The following CNIH3 variants were observed in gnomAD, a reference collection of about 807,000 sequenced individuals.
CNIH3 encodes cornichon family AMPA receptor auxiliary protein 3, also known as protein cornichon homolog 3.
Under a neutral mutation model 24.1 loss-of-function variants are expected in CNIH3, and 14 were observed. The observed-to-expected ratio is 0.58, with a 90% CI of 0.38 to 0.91. The LOEUF (loss-of-function observed/expected upper bound fraction) is 0.91. CNIH3 is among the 40% of genes least tolerant of loss of function. CNIH3 has a pLI of 0.00. For synonymous variants in CNIH3, 68 were observed against 73.8 expected, an observed-to-expected ratio of 0.92 and a Z score of 0.40; for missense variants, 178 against 196.8, an observed-to-expected ratio of 0.90 and a Z score of 0.57.
At chr1:224,726,448 T>G (rs970192686) in intron 3 of CNIH3, among the ~76,000 whole-genome samples, 18 of 152,204 alleles carry the variant, frequency 1.2e-4, no homozygotes, top group Non-Finnish European at 2.1e-4. Context: ...ACTATTAGCA[T>G]CTGGGTAGGA....
At chr1:224,559,149 G>C (rs1371759964) in intron 3 of CNIH3, among the ~76,000 whole-genome samples, 1 of 152,138 alleles carries the variant, frequency 6.6e-6, no homozygotes, top group African/African-American at 2.4e-5. Flanking sequence ...GTGAAGGGAA[G>C]GGAATCTTTG....
intron 1 of CNIH3, among the ~76,000 whole-genome samples, chr1:224,489,269 T>C (rs1372055553): frequency 1.3e-5 from 2 of 152,244 alleles, no homozygotes; most frequent in Admixed American, 1.3e-4. Flanking sequence ...ACACATGTGG[T>C]TCCAGCATCA....
intron 4 of CNIH3, among the ~76,000 whole-genome samples, chr1:224,570,922 C>A (rs1455286544): frequency 1.4e-5 from 2 of 144,898 alleles, no homozygotes. Context: ...TTTTTTTTTT[C>A]CTGTGTGAAT....
chr1:224,550,691 CGAT>C (rs1679879903), intron 3 of CNIH3, among the ~76,000 whole-genome samples: 1 of 152,020 alleles, frequency 6.6e-6, no homozygotes, highest in South Asian at 2.1e-4. Context: ...AATATCAGAG[CGAT>C]GATATTTCTT....
intron 1 of CNIH3, among the ~76,000 whole-genome samples, chr1:224,617,869 G>A (rs1251543366): frequency 1.3e-5 from 2 of 152,146 alleles, no homozygotes; most frequent in South Asian, 2.1e-4. Context: ...AGGCCATGGA[G>A]GAAAGTCACG....
intron 1 of CNIH3, among the ~76,000 whole-genome samples, chr1:224,477,120 G>C (rs972162042): frequency 6.6e-6 from 1 of 152,130 alleles, no homozygotes; most frequent in African/African-American, 2.4e-5. Context: ...CTCCCCATGA[G>C]CCTCCCCATT....
At chr1:224,572,133 G>C in intron 4 of CNIH3, among the ~76,000 whole-genome samples, 1 of 152,148 alleles carries the variant, frequency 6.6e-6, no homozygotes, top group Non-Finnish European at 1.5e-5. Flanking sequence ...GTGGAGAACT[G>C]GAAATTGTGT....
rs187253514 is a variant in CNIH3 at position 224,522,346 on chromosome 1, G to A, written n.343+1019G>A. Among the ~76,000 whole-genome samples, 7 of 152,318 alleles carry A rather than the reference G, an allele frequency of 4.6e-5. No individual in the cohort carries two copies. In the South Asian group the frequency reaches 1.0e-3, roughly 23 times the overall value. ...GATGAAACTCATTCCAGCAAAGACAGAGACACTGGAAACAGAATAGAAGAT... is the reference window on the plus strand; with the variant it reads ...GATGAAACTCATTCCAGCAAAGACAAAGACACTGGAAACAGAATAGAAGAT... On this transcript the variant is annotated intron_variant and non_coding_transcript_variant, in intron 2 of 2. Coordinates refer to the CNIH3 transcript ENST00000470602.
In CNIH3 at chr1:224,729,412, CAAAAAA is replaced by C. The variant is rs1184318000; in HGVS notation, c.199-1032_199-1027del. Among the ~76,000 whole-genome samples, 22 of 44,600 alleles carry C rather than the reference CAAAAAA, an allele frequency of 4.9e-4. No individual in the cohort carries two copies. In the East Asian group the frequency reaches 6.3e-3, roughly 13 times the overall value. The allele number at this position is 44,600 out of a possible 152,430, so 29.3% of individuals were successfully genotyped here. A position where few individuals can be genotyped will look rare whatever the true frequency, so the allele number is the denominator to read the frequency against. On this transcript the variant is annotated intron_variant, in intron 3 of 5. Coordinates refer to ENST00000272133, the MANE Select transcript of CNIH3 (RefSeq NM_152495.2). ...GGGCAACAGAGTAAGACTATGTCTC[CAAAAAA>C]AAAAAAAAAAAAAAAAAGGTAAGTG...
chr1:224,718,006 TCAA>T (rs1688515675), intron 3 of CNIH3, among the ~76,000 whole-genome samples: 1 of 152,164 alleles, frequency 6.6e-6, no homozygotes, highest in Non-Finnish European at 1.5e-5. Flanking sequence ...GTTTTCTCAC[TCAA>T]CAACAACAAA....
chr1:224,508,034 A>T (rs1677989744), intron 1 of CNIH3, among the ~76,000 whole-genome samples: 1 of 152,262 alleles, frequency 6.6e-6, no homozygotes, highest in Admixed American at 6.5e-5. Flanking sequence ...GCCATCTGCC[A>T]TGCCAGAGTA....
intron 1 of CNIH3, among the ~76,000 whole-genome samples, chr1:224,487,353 A>G (rs1677068392): frequency 6.6e-6 from 1 of 152,218 alleles, no homozygotes; most frequent in African/African-American, 2.4e-5. Flanking sequence ...AAGTGCTTCA[A>G]GAATTCACAC....
chr1:224,485,564 T>C (rs538596599), intron 1 of CNIH3, among the ~76,000 whole-genome samples: 1 of 152,206 alleles, frequency 6.6e-6, no homozygotes, highest in East Asian at 1.9e-4. Flanking sequence ...GTGATCATTG[T>C]TCACCACAGC....
chr1:224,561,607 G>A (rs191720792), intron 3 of CNIH3, among the ~76,000 whole-genome samples: 17 of 152,272 alleles, frequency 1.1e-4, no homozygotes, highest in African/African-American at 2.9e-4. Context: ...GATACTACCC[G>A]TCAGCCAAAC....
At chr1:224,534,662 G>C (rs1432518512) in intron 2 of CNIH3, among the ~76,000 whole-genome samples, 1 of 152,194 alleles carries the variant, frequency 6.6e-6, no homozygotes, top group African/African-American at 2.4e-5. Context: ...AATCAGTGGT[G>C]AGACTAGCAT....
At chr1:224,464,081 G>T (rs1220925354) in intron 1 of CNIH3, among the ~76,000 whole-genome samples, 3 of 151,904 alleles carry the variant, frequency 2.0e-5, no homozygotes, top group African/African-American at 7.3e-5. Context: ...GAGCCACCGC[G>T]CTCGACCTGG....
intron 1 of CNIH3, among the ~76,000 whole-genome samples, chr1:224,504,777 G>T (rs575113997): frequency 7.9e-5 from 12 of 152,214 alleles, no homozygotes; most frequent in African/African-American, 2.9e-4. Flanking sequence ...ACCTTGCTAG[G>T]CCTCAGTTTT....
chr1:224,582,646 C>T (rs1329253494), intron 4 of CNIH3, among the ~76,000 whole-genome samples: 1 of 152,096 alleles, frequency 6.6e-6, no homozygotes, highest in East Asian at 1.9e-4. Context: ...TTTTGAGAAG[C>T]CTGTTGAAAT....
intron 3 of CNIH3, among the ~76,000 whole-genome samples, chr1:224,559,632 CA>C (rs1680280764): frequency 6.6e-6 from 1 of 152,052 alleles, no homozygotes; most frequent in Non-Finnish European, 1.5e-5. Flanking sequence ...ATTGGCCTCC[CA>C]ATGTGCTGGG....
Sources: gnomAD v4.1 joint callset for allele counts (sites outside exome capture counted in the v4.1 genomes callset) on GRCh38, gnomAD v4.1.1 for gene constraint, MANE v1.5 for transcripts, NCBI Gene and HGNC (gene_info 2026-07-23, HGNC 2026-07-21) for gene names.